Variants in TUB observed in about 807,000 individuals in gnomAD.
TUB encodes the protein TUB bipartite transcription factor.
A neutral mutation model predicts 59.7 loss-of-function variants in TUB; 33 were observed. The observed-to-expected ratio is 0.55, with a 90% CI of 0.42 to 0.74. TUB has a LOEUF of 0.74. Ranked by LOEUF, TUB falls within the 30% of genes least tolerant of loss-of-function variation. The pLI, the probability that TUB is intolerant of heterozygous loss-of-function variation, is 0.00. For missense variants in TUB, 659 were observed against 672.0 expected (o/e 0.98, Z 0.21); for synonymous variants, 293 against 256.4 (o/e 1.14, Z -1.36).
At chr11:8,082,352 CA>C (rs1438352892) in intron 1 of TUB, among the ~76,000 whole-genome samples, 2 of 152,212 alleles carry the variant, frequency 1.3e-5, no homozygotes, top group Non-Finnish European at 2.9e-5. Context: ...TGGGCTTTCC[CA>C]TTTGCCTGGG....
rs1008064534 is a variant in TUB at position 8,084,653 on chromosome 11, T to G, written c.38+3105T>G. 2.0e-5 allele frequency among the ~76,000 whole-genome samples: 3 copies of G among 152,208 alleles called. No individual in the cohort carries two copies. In the East Asian group the frequency reaches 5.8e-4, roughly 29 times the overall value. On this transcript the variant is annotated intron_variant, in intron 1 of 11. Coordinates refer to ENST00000299506, the MANE Select transcript of TUB (RefSeq NM_177972.3). The stretch of plus-strand genomic sequence containing the variant: ...GAACTAATTGAGATCAGGGAACTTA[T>G]CTGGTTCCTGGTCATGTCCCCAGCA...
rs1351826645 is a variant in TUB at position 8,019,362 on chromosome 11, G to C, written c.56+4G>C. 4.8e-6 allele frequency: 6 copies of C among 1,258,980 alleles called. No homozygotes were observed. In the Admixed American group the frequency reaches 1.2e-4, roughly 25 times the overall value. The allele number at this position is 1,258,980 out of a possible 1,614,324, so 78.0% of individuals were successfully genotyped here. On this transcript the variant is annotated splice_donor_region_variant and intron_variant, in intron 1 of 11. Coordinates refer to the TUB transcript ENST00000534099. ...ACAGCCGCTGGAGCTATGACAGGTAGGGCGCCCGAAGGGTGGCCCTGCGTG... is the reference window on the plus strand; with the variant it reads ...ACAGCCGCTGGAGCTATGACAGGTACGGCGCCCGAAGGGTGGCCCTGCGTG...
chr11:8,020,952 T>A (rs1289523237), intron 1 of TUB, among the ~76,000 whole-genome samples: 1 of 152,244 alleles, frequency 6.6e-6, no homozygotes, highest in Non-Finnish European at 1.5e-5. Context: ...CAGTCTAGAT[T>A]ATATTAGAAA....
At chr11:8,082,932 CA>C (rs1943598270) in intron 1 of TUB, among the ~76,000 whole-genome samples, 4 of 152,174 alleles carry the variant, frequency 2.6e-5, no homozygotes, top group Non-Finnish European at 5.9e-5. Flanking sequence ...ACAGGTCACC[CA>C]CAGGCTCTCC....
Position 8,105,545 on chromosome 11 carries a change from C to CACTACTGCACTTAGTAGCT in TUB, c.*3928_*3946dup, listed in dbSNP as rs1307112008. On this transcript the variant is annotated 3_prime_UTR_variant, in exon 12 of 12. Transcript: ENST00000299506. ...AAAGGCAAGTTGGTCTTATAGAAAG[C>CACTACTGCACTTAGTAGCT]ACTACTGCACTTAGTAGCTATGTGA... The CACTACTGCACTTAGTAGCT allele has an allele frequency of 3.9e-5, 6 of 152,190 alleles. No individual in the cohort carries two copies. The highest frequency in any genetic ancestry group is 1.3e-4 in the Admixed American group (2 of 15,290). 9.4% of individuals were successfully genotyped at this position (152,190 alleles called of 1,614,324 possible). A position where few individuals can be genotyped will look rare whatever the true frequency, so the allele number is the denominator to read the frequency against.
chr11:8,030,204 G>A (rs1942550873), intron 1 of TUB, among the ~76,000 whole-genome samples: 1 of 152,188 alleles, frequency 6.6e-6, no homozygotes, highest in Non-Finnish European at 1.5e-5. Flanking sequence ...AGGGTCACTG[G>A]ATGCAGTCCA....
At chr11:8,028,666 T>C (rs1411659319) in intron 1 of TUB, among the ~76,000 whole-genome samples, 1 of 152,196 alleles carries the variant, frequency 6.6e-6, no homozygotes, top group African/African-American at 2.4e-5. Flanking sequence ...CTCAGCACTA[T>C]TTGTTTCTAC....
At chr11:8,089,067 A>G (rs901675960) in intron 1 of TUB, among the ~76,000 whole-genome samples, 13 of 152,206 alleles carry the variant, frequency 8.5e-5, no homozygotes, top group South Asian at 2.1e-4. Flanking sequence ...GGGGAAGGGG[A>G]GTAGACAAAG....
chr11:8,078,894 C>A (rs1408548202), upstream of TUB, among the ~76,000 whole-genome samples: 5 of 151,962 alleles, frequency 3.3e-5, no homozygotes, highest in Admixed American at 2.6e-4. Flanking sequence ...CGTACACTGG[C>A]GCTCAGTCCC....
chr11:8,103,639 G>C lies in TUB; in HGVS notation c.*2020G>C, dbSNP rs964575152. Reference sequence around the variant, plus strand: ...AGTTTCTAGAGGGCACTAGAACTTTGTGCCAGCGCTGGCGAGATACCATGG... The same window carrying C: ...AGTTTCTAGAGGGCACTAGAACTTTCTGCCAGCGCTGGCGAGATACCATGG... On this transcript the variant is annotated 3_prime_UTR_variant, in exon 12 of 12. Transcript: ENST00000299506. 1 of 152,606 alleles carries C rather than the reference G, an allele frequency of 6.6e-6. No individual in the cohort carries two copies. Among genetic ancestry groups the C allele is most frequent in the Non-Finnish European group, 1.5e-5 (1 of 68,046 alleles). The allele number at this position is 152,606 out of a possible 1,614,324, so 9.5% of individuals were successfully genotyped here.
chr11:8,082,230 C>CACAGT (rs576939727), intron 1 of TUB, among the ~76,000 whole-genome samples: 3 of 152,236 alleles, frequency 2.0e-5, no homozygotes, highest in Non-Finnish European at 4.4e-5. Context: ...CACACCAGCT[C>CACAGT]ACAGTACATA....
intron 1 of TUB, chr11:8,039,478 T>C (rs1942707389): frequency 9.1e-6 from 5 of 549,812 alleles, no homozygotes; most frequent in Non-Finnish European, 1.5e-5. Context: ...GTGAGCACTC[T>C]ATGGAAGTCC....
upstream of TUB, among the ~76,000 whole-genome samples, chr11:8,035,116 T>C (rs1942628298): frequency 6.6e-6 from 1 of 152,220 alleles, no homozygotes; most frequent in Non-Finnish European, 1.5e-5. Flanking sequence ...AGTGCAACAT[T>C]CAAAGGACCT....
chr11:8,047,201 AC>A (rs1942848609), intron 2 of TUB, among the ~76,000 whole-genome samples: 1 of 151,950 alleles, frequency 6.6e-6, no homozygotes, highest in Admixed American at 6.5e-5. Flanking sequence ...TCTGGGCTTC[AC>A]CTGTGACTCC....
intron 1 of TUB, among the ~76,000 whole-genome samples, chr11:8,026,410 C>A (rs537204756): frequency 6.7e-6 from 1 of 150,258 alleles, no homozygotes; most frequent in Non-Finnish European, 1.5e-5. Context: ...TCTAATTTTA[C>A]ATTTTAAATT....
chr11:8,080,114 C>A (rs1016923142), upstream of TUB, among the ~76,000 whole-genome samples: 3 of 152,192 alleles, frequency 2.0e-5, no homozygotes, highest in Admixed American at 2.0e-4. Context: ...TCCCTCAGCC[C>A]CCTTGGCTGT....
chr11:8,031,939 C>T (rs1224531486), intron 1 of TUB, among the ~76,000 whole-genome samples: 1 of 152,206 alleles, frequency 6.6e-6, no homozygotes, highest in Non-Finnish European at 1.5e-5. Context: ...ATCTGTCTGG[C>T]GGCGTGTCCT....
At chr11:8,027,320 C>G (rs1301822898) in intron 1 of TUB, among the ~76,000 whole-genome samples, 2 of 152,152 alleles carry the variant, frequency 1.3e-5, no homozygotes, top group East Asian at 3.9e-4. Context: ...CTTTCTGTCT[C>G]TATAAATTGC....
intron 2 of TUB, among the ~76,000 whole-genome samples, chr11:8,056,139 C>G (rs1943017003): frequency 6.6e-6 from 1 of 152,332 alleles, no homozygotes; most frequent in African/African-American, 2.4e-5. Context: ...CCCTTCTCAG[C>G]TCTCTGAAGT....
Sources: allele counts gnomAD v4.1 joint callset (sites outside exome capture counted in the v4.1 genomes callset), GRCh38; gene constraint gnomAD v4.1.1; transcripts MANE v1.5; gene names NCBI Gene and HGNC (gene_info 2026-07-23, HGNC 2026-07-21).